The following MAST2 variants were observed in gnomAD, a reference collection of about 807,000 sequenced individuals.
MAST2 encodes the protein microtubule-associated serine/threonine-protein kinase 2.
A neutral mutation model predicts 147.4 loss-of-function variants in MAST2; 70 were observed. That is an observed-to-expected ratio of 0.47 (90% CI 0.39 to 0.58). The LOEUF is 0.58. Among genes scored for constraint, MAST2 ranks in the 20% least tolerant of loss-of-function variants. MAST2 has a pLI of 0.00. For synonymous variants in MAST2, 869 were observed against 896.8 expected, an observed-to-expected ratio of 0.97 and a Z score of 0.55; for missense variants, 2,080 against 2,302.3, an observed-to-expected ratio of 0.90 and a Z score of 1.98.
chr1:45,933,243 G>C (rs1201507019), intron 4 of MAST2, among the ~76,000 whole-genome samples: 1 of 142,282 alleles, frequency 7.0e-6, no homozygotes, highest in East Asian at 2.1e-4. Context: ...AAAAGCGGGG[G>C]GGTTGGGGGG....
rs750247468 is a variant in MAST2 at position 46,034,744 on chromosome 1, C to A, written c.4075C>A (p.Pro1359Thr). 1 of 1,613,934 alleles carries A rather than the reference C, an allele frequency of 6.2e-7. No individual in the cohort carries two copies. The highest frequency in any genetic ancestry group is 1.1e-5 in the South Asian group (1 of 91,078). The change falls in exon 29 of 29, where the codon CCT (proline) becomes ACT (threonine). Residue 1359 changes from proline (P) to threonine (T), a missense_variant. Physicochemically the swap from Pro to Thr is conservative, Grantham distance 38 (BLOSUM62 -1). Around this residue, in one of 4 missense-constraint regions of MAST2, gnomAD observed 1,278 missense variants for 1,304.2 expected, o/e 0.98. Transcript: ENST00000361297. ...TTCTCCCCCACCCCCAACAGCTTCA[C>A]CTCAGCGGTCCCCATCGCCCCTGTC... ...TPSPPPPTASPQRSPSPLSGH... is the reference protein window; with the variant it reads ...TPSPPPPTASTQRSPSPLSGH...
rs765714464 is a variant in MAST2, at chr1:45,809,682, C to T, written c.177+5610C>T. Among the ~76,000 whole-genome samples, 42 of 152,190 alleles carry T rather than the reference C, an allele frequency of 2.8e-4. 1 individual carries two copies. The Middle Eastern group carries it at 0.034, about 123-fold the overall frequency. Reference sequence around the variant, plus strand: ...CAAAAAACAAAAACAAAACCACACACCCAAAAAGAAACTCTTCTGCAAAGT... The same window carrying T: ...CAAAAAACAAAAACAAAACCACACATCCAAAAAGAAACTCTTCTGCAAAGT... On this transcript the variant is annotated intron_variant, in intron 1 of 28. Coordinates refer to ENST00000361297, the MANE Select transcript of MAST2 (RefSeq NM_015112.3).
At chr1:45,991,518 C>G (rs941212459) in intron 5 of MAST2, among the ~76,000 whole-genome samples, 1 of 152,092 alleles carries the variant, frequency 6.6e-6, no homozygotes, top group Non-Finnish European at 1.5e-5. Flanking sequence ...TATGATCATG[C>G]AAGTCTCATT....
chr1:45,883,953 CCT>C (rs966827110), intron 4 of MAST2, among the ~76,000 whole-genome samples: 1 of 115,278 alleles, frequency 8.7e-6, no homozygotes, highest in Non-Finnish European at 1.6e-5. Flanking sequence ...TTGAAAACTG[CCT>C]GAGATTTGCC....
At chr1:45,998,417 T>C (rs1171820543) in intron 6 of MAST2, among the ~76,000 whole-genome samples, 1 of 152,248 alleles carries the variant, frequency 6.6e-6, no homozygotes, top group African/African-American at 2.4e-5. Flanking sequence ...CTCTGGCCCA[T>C]GGCAGCAACG....
chr1:46,024,142 CCA>C (rs1417082120), intron 15 of MAST2, 162 bp downstream of exon 15: 1 of 667,938 alleles, frequency 1.5e-6, no homozygotes, highest in African/African-American at 1.8e-5. Context: ...GACCATTTGG[CCA>C]CAGTGGGCAC....
At chr1:45,874,867 A>T (rs1273836318) in intron 3 of MAST2, among the ~76,000 whole-genome samples, 1 of 152,248 alleles carries the variant, frequency 6.6e-6, no homozygotes, top group African/African-American at 2.4e-5. Context: ...GGCTGGGGAA[A>T]CTGTAGAAAA....
At chr1:45,913,093 C>G (rs1310972053) in intron 4 of MAST2, among the ~76,000 whole-genome samples, 1 of 152,112 alleles carries the variant, frequency 6.6e-6, no homozygotes, top group Non-Finnish European at 1.5e-5. Flanking sequence ...GCTTTTCTTA[C>G]CACAAGAATG....
chr1:45,960,282 G>A (rs1026338300), intron 5 of MAST2, among the ~76,000 whole-genome samples: 4 of 152,092 alleles, frequency 2.6e-5, no homozygotes, highest in South Asian at 4.1e-4. Context: ...GCTGAGATGG[G>A]CCAATTGCTT....
chr1:45,881,767 C>G (rs946233691), intron 3 of MAST2, among the ~76,000 whole-genome samples: 1 of 152,012 alleles, frequency 6.6e-6, no homozygotes, highest in Non-Finnish European at 1.5e-5. Context: ...GTAATCTACA[C>G]TGGGGAGATG....
chr1:45,909,552 G>A (rs1040532262), intron 4 of MAST2, among the ~76,000 whole-genome samples: 1 of 151,002 alleles, frequency 6.6e-6, no homozygotes, highest in Admixed American at 6.6e-5. Flanking sequence ...ACAGAGTCTG[G>A]CTCTGTCGCC....
Position 46,023,945 on chromosome 1 carries a change from A to G in MAST2, c.1745A>G (p.Lys582Arg), listed in dbSNP as rs1484715721. The change falls in exon 15 of 29, where the codon AAG (lysine) becomes AGG (arginine). Residue 582 changes from lysine (K) to arginine (R), a missense_variant. This residue lies in a region of MAST2 where 209 missense variants were observed against 309.5 expected (regional missense o/e 0.68). Coordinates refer to ENST00000361297, the MANE Select transcript of MAST2 (RefSeq NM_015112.3). The surrounding 1 kb of genome is among the most constrained non-coding windows in gnomAD (Gnocchi z 4.9). Reference protein sequence around the residue: ...VVSMFCSFDTKRHLCMVMEYV... With the variant: ...VVSMFCSFDTRRHLCMVMEYV... ...AGCATGTTCTGCTCCTTTGATACCA[A>G]GCGCCACTTGTGCATGGTGATGGAG... 3.1e-6 allele frequency: 5 copies of G among 1,614,194 alleles called. No homozygotes were observed. The highest frequency in any genetic ancestry group is 4.2e-6 in the Non-Finnish European group (5 of 1,180,028).
In MAST2 at chr1:46,032,263, C is replaced by T. The variant is rs1299700216; in HGVS notation, c.3273C>T (p.Ser1091=). 2 of 1,614,228 alleles carry T rather than the reference C, an allele frequency of 1.2e-6. No individual in the cohort carries two copies. The highest frequency in any genetic ancestry group is 1.7e-5 in the Admixed American group (1 of 60,036). Residue 1091 remains serine, a synonymous_variant, in exon 25 of 29, where the codon AGC becomes AGT. Transcript: ENST00000361297. ...CATCATCCCGGGACTCTTCTCCAAGCAGGGACTTCTTGCCAGCCCTTGGCA... is the reference window on the plus strand; with the variant it reads ...CATCATCCCGGGACTCTTCTCCAAGTAGGGACTTCTTGCCAGCCCTTGGCA... The part of the protein sequence containing the change: ...SNPSSRDSSP[S]RDFLPALGSM...
intron 5 of MAST2, among the ~76,000 whole-genome samples, chr1:45,978,082 A>C (rs1644247965): frequency 6.6e-6 from 1 of 152,000 alleles, no homozygotes; most frequent in African/African-American, 2.4e-5. Context: ...AAAACCACAC[A>C]AAAAAACCTG....
In MAST2 at chr1:46,023,643, C is replaced by A; in HGVS notation, c.1572-129C>A. ...ACCAGGGGGTCCCAGACCCTTCTCACTGATATGCATGCCCTTGCCCCCTTG... is the reference window on the plus strand; with the variant it reads ...ACCAGGGGGTCCCAGACCCTTCTCAATGATATGCATGCCCTTGCCCCCTTG... On this transcript the variant is annotated intron_variant, in intron 14 of 28. Transcript: ENST00000361297. This position sits in a 1 kb window ranked among gnomAD's most constrained non-coding sequence, Gnocchi z 4.9. 1.2e-6 allele frequency: 1 copy of A among 810,582 alleles called. No homozygotes were observed. Among genetic ancestry groups the A allele is most frequent in the South Asian group, 1.7e-5 (1 of 58,126 alleles). 50.2% of individuals were successfully genotyped at this position (810,582 alleles called of 1,614,324 possible).
chr1:45,869,447 A>G (rs1646290882), intron 3 of MAST2, among the ~76,000 whole-genome samples: 1 of 152,234 alleles, frequency 6.6e-6, no homozygotes, highest in African/African-American at 2.4e-5. Flanking sequence ...AATCTAGATC[A>G]CAAATTGGTG....
intron 4 of MAST2, among the ~76,000 whole-genome samples, chr1:45,916,561 T>C (rs1652554160): frequency 6.6e-6 from 1 of 152,182 alleles, no homozygotes; most frequent in Admixed American, 6.5e-5. Flanking sequence ...GCAAAATACA[T>C]AGTTAACTGA....
intron 4 of MAST2, among the ~76,000 whole-genome samples, chr1:45,882,814 G>A (rs1009229509): frequency 6.6e-6 from 1 of 152,212 alleles, no homozygotes; most frequent in Non-Finnish European, 1.5e-5. Flanking sequence ...TTGAGGCAAG[G>A]CCAGCTAAGT....
intron 5 of MAST2, among the ~76,000 whole-genome samples, chr1:45,967,350 G>A (rs1243773129): frequency 2.0e-5 from 3 of 152,112 alleles, no homozygotes; most frequent in Non-Finnish European, 2.9e-5. Flanking sequence ...GATTACAGGC[G>A]TGAGTCACTG....
Sources: gnomAD v4.1 joint callset for allele counts (sites outside exome capture counted in the v4.1 genomes callset) on GRCh38, gnomAD v4.1.1 for gene constraint, gnomAD v4.1.1 regional missense constraint, Gnocchi (gnomAD v3.1) non-coding constraint, MANE v1.5 for transcripts, NCBI Gene and HGNC (gene_info 2026-07-23, HGNC 2026-07-21) for gene names.